Variants in LY6S observed in about 807,000 individuals in gnomAD.
The protein encoded by LY6S is lymphocyte antigen 6 family member S.
chr8:143,057,256 A>T, the LY6S span: 717 of 174,088 alleles, frequency 4.1e-3, 5 homozygotes, highest in African/African-American at 0.012. Flanking sequence ...TATTATTTTT[A>T]TTTTTTTTTT....
chr8:143,063,998 G>A, the LY6S span, among the ~76,000 whole-genome samples: 1 of 152,220 alleles, frequency 6.6e-6, no homozygotes, highest in Non-Finnish European at 1.5e-5. Flanking sequence ...TAATTTCTGT[G>A]TAAGGACCCC....
the LY6S span, among the ~76,000 whole-genome samples, chr8:143,045,485 C>T: frequency 6.6e-6 from 1 of 152,190 alleles, no homozygotes; most frequent in South Asian, 2.1e-4. The surrounding 1 kb of genome is among the most constrained non-coding windows in gnomAD (Gnocchi z 5.3). Context: ...ACCCTGTCCT[C>T]AGCACAGTCA....
At chr8:143,066,735 G>A in the LY6S span, 1 of 154,390 alleles carries the variant, frequency 6.5e-6, no homozygotes, top group Non-Finnish European at 1.4e-5. Flanking sequence ...GCTCATAGGT[G>A]GAAAGAACTC....
At chr8:143,053,043 T>G in the LY6S span, among the ~76,000 whole-genome samples, 1 of 151,956 alleles carries the variant, frequency 6.6e-6, no homozygotes, top group African/African-American at 2.4e-5. Context: ...AACAGCAAAA[T>G]GCTGCCTGGA....
At chr8:143,061,994 A>G in the LY6S span, among the ~76,000 whole-genome samples, 13 of 152,362 alleles carry the variant, frequency 8.5e-5, no homozygotes, top group African/African-American at 3.1e-4. Flanking sequence ...TCTTTAAGTG[A>G]ATGTAGAACA....
At chr8:143,042,907 G>C in the LY6S span, 1 of 915,412 alleles carries the variant, frequency 1.1e-6, no homozygotes, top group Admixed American at 2.0e-5. Flanking sequence ...TGGGCTGGAG[G>C]GCCTGGGCCC....
chr8:143,073,812 T>C, the LY6S span, among the ~76,000 whole-genome samples: 3 of 137,862 alleles, frequency 2.2e-5, no homozygotes, highest in Admixed American at 1.5e-4. Flanking sequence ...GTCCCCGGGG[T>C]CCCTGTTTGA....
chr8:143,060,548 C>G, the LY6S span, among the ~76,000 whole-genome samples: 1 of 152,248 alleles, frequency 6.6e-6, no homozygotes, highest in Non-Finnish European at 1.5e-5. Flanking sequence ...GGCCCCCTGT[C>G]TGGTGGACAC....
the LY6S span, chr8:143,044,246 G>A: frequency 6.6e-6 from 3 of 456,080 alleles, no homozygotes; most frequent in South Asian, 3.1e-5. Flanking sequence ...TGAGACCCGC[G>A]GCATGAAGTG....
At chr8:143,057,591 G>A in the LY6S span, 1 of 1,293,034 alleles carries the variant, frequency 7.7e-7, no homozygotes, top group Non-Finnish European at 1.1e-6. Flanking sequence ...TCATCCTCAT[G>A]CTGAATGAGA....
the LY6S span, among the ~76,000 whole-genome samples, chr8:143,069,330 G>A: frequency 6.6e-6 from 1 of 152,198 alleles, no homozygotes. Flanking sequence ...TAACCTTGAA[G>A]CAAACTGCAG....
the LY6S span, among the ~76,000 whole-genome samples, chr8:143,044,477 C>T: frequency 6.6e-6 from 1 of 152,098 alleles, no homozygotes; most frequent in African/African-American, 2.4e-5. Flanking sequence ...GTGGCCCAGG[C>T]TCCTCAGCCC....
At chr8:143,071,193 G>GCATGGAATA in the LY6S span, among the ~76,000 whole-genome samples, 2 of 151,748 alleles carry the variant, frequency 1.3e-5, no homozygotes, top group Admixed American at 6.6e-5. Flanking sequence ...GGAAGACCCG[G>GCATGGAATA]CAGCATGGAT....
chr8:143,045,190 C>T, the LY6S span, among the ~76,000 whole-genome samples: 2 of 152,162 alleles, frequency 1.3e-5, no homozygotes, highest in Admixed American at 6.5e-5. This position sits in a 1 kb window ranked among gnomAD's most constrained non-coding sequence, Gnocchi z 5.3. Flanking sequence ...GCACGCCTTC[C>T]GAGCACACCC....
the LY6S span, among the ~76,000 whole-genome samples, chr8:143,059,295 A>G: frequency 6.6e-6 from 1 of 152,204 alleles, no homozygotes; most frequent in Non-Finnish European, 1.5e-5. Flanking sequence ...TACTTAAAAT[A>G]TTCCCATGTG....
the LY6S span, among the ~76,000 whole-genome samples, chr8:143,071,749 G>C: frequency 1.3e-5 from 2 of 152,140 alleles, no homozygotes; most frequent in Non-Finnish European, 2.9e-5. Flanking sequence ...GCAGGAGGAC[G>C]TCTGTGAGGT....
chr8:143,057,486 G>A, the LY6S span: 41 of 670,268 alleles, frequency 6.1e-5, no homozygotes, highest in South Asian at 5.9e-4. Flanking sequence ...CTGACCTTGT[G>A]ATCCGCCCGC....
the LY6S span, chr8:143,053,132 G>A: frequency 6.6e-6 from 1 of 152,222 alleles, no homozygotes; most frequent in African/African-American, 2.4e-5. Flanking sequence ...ACCTTACCAA[G>A]TGCTACAAAC....
At chr8:143,071,585 T>C in the LY6S span, among the ~76,000 whole-genome samples, 21,162 of 152,168 alleles carry the variant, frequency 0.14, 1,671 homozygotes, top group East Asian at 0.34. Context: ...CTCTGTACTA[T>C]CTTCTCGATT....
Sources: gnomAD v4.1 joint callset for allele counts (sites outside exome capture counted in the v4.1 genomes callset) on GRCh38, gnomAD v4.1.1 for gene constraint, Gnocchi (gnomAD v3.1) non-coding constraint, MANE v1.5 for transcripts, NCBI Gene and HGNC (gene_info 2026-07-23, HGNC 2026-07-21) for gene names.